Variants in CDC14B observed in about 807,000 individuals in gnomAD.
CDC14B encodes dual specificity protein phosphatase CDC14B.
CDC14B carries 22 observed loss-of-function variants against 64.2 expected under a neutral mutation model. The ratio of observed to expected loss-of-function variants is 0.34; its 90% confidence interval spans 0.24 to 0.49. The LOEUF is 0.49. Among genes scored for constraint, CDC14B ranks in the 20% least tolerant of loss-of-function variants. The probability of loss-of-function intolerance (pLI) is 0.99; values close to 1 mark genes in which losing one functional copy is unlikely to be tolerated. For missense variants in CDC14B, 498 were observed against 629.9 expected, an observed-to-expected ratio of 0.79 and a Z score of 2.24; for synonymous variants, 191 against 215.8, an observed-to-expected ratio of 0.89 and a Z score of 1.01.
chr9:96,545,329 C>CTTT (rs59040963), intron 5 of CDC14B, among the ~76,000 whole-genome samples: 2 of 132,984 alleles, frequency 1.5e-5, no homozygotes, highest in East Asian at 2.2e-4. Flanking sequence ...TGATTATTTT[C>CTTT]TTTTTTTTTT....
chr9:96,566,970 CT>C, intron 1 of CDC14B: 1 of 1,459,950 alleles, frequency 6.8e-7, no homozygotes, highest in Non-Finnish European at 9.0e-7. Context: ...GCCCAACGGC[CT>C]GACACGACAG....
chr9:96,531,268 C>T (rs1219297678), intron 9 of CDC14B, among the ~76,000 whole-genome samples: 1 of 152,014 alleles, frequency 6.6e-6, no homozygotes, highest in Non-Finnish European at 1.5e-5. Flanking sequence ...CTATCATGTC[C>T]AGGGTTTTGC....
downstream of CDC14B, chr9:96,496,471 C>G (rs979818326): frequency 2.9e-5 from 12 of 414,848 alleles, no homozygotes; most frequent in African/African-American, 2.4e-4. Flanking sequence ...TCCTGGGCCG[C>G]TAACTCTCAA....
chr9:96,495,056 G>C (rs953300821), intron 13 of CDC14B, among the ~76,000 whole-genome samples: 2 of 151,594 alleles, frequency 1.3e-5, no homozygotes, highest in African/African-American at 2.4e-5. Flanking sequence ...GGATGGGCTC[G>C]ATCTCCTGAC....
At chr9:96,549,618 T>C (rs943869244) in intron 5 of CDC14B, among the ~76,000 whole-genome samples, 5 of 151,626 alleles carry the variant, frequency 3.3e-5, no homozygotes, top group African/African-American at 4.8e-5. Flanking sequence ...TGAGTCCAGA[T>C]TGCACCACTG....
intron 1 of CDC14B, among the ~76,000 whole-genome samples, chr9:96,581,338 T>C (rs986004632): frequency 2.0e-5 from 3 of 150,852 alleles, no homozygotes; most frequent in African/African-American, 7.3e-5. Context: ...ACACAGCGGC[T>C]CATGCCTATA....
rs997925532 is a variant in CDC14B at position 96,619,489 on chromosome 9, G to C, written c.-111C>G. The stretch of plus-strand genomic sequence containing the variant: ...GCGCTCGGGGCGGCGGGCGCAGAGC[G>C]GCGCTGCGGGGACGGCGGGCGCCGG... On this transcript the variant is annotated 5_prime_UTR_variant, in exon 1 of 14. Transcript: ENST00000375241. 4 of 485,016 alleles carry C rather than the reference G, an allele frequency of 8.2e-6. No individual in the cohort carries two copies. The highest frequency in any genetic ancestry group is 8.0e-6 in the Non-Finnish European group (3 of 376,032). The allele number at this position is 485,016 out of a possible 1,614,324, so 30.0% of individuals were successfully genotyped here. A position where few individuals can be genotyped will look rare whatever the true frequency, so the allele number is the denominator to read the frequency against.
intron 7 of CDC14B, among the ~76,000 whole-genome samples, chr9:96,536,697 T>A (rs952575260): frequency 6.6e-6 from 1 of 152,108 alleles, no homozygotes; most frequent in Non-Finnish European, 1.5e-5. Flanking sequence ...GAAAAAGAAT[T>A]CTCTGAGGAT....
At chr9:96,565,358 C>G (rs1843759302) in intron 2 of CDC14B, 35 bp downstream of exon 2, 3 of 1,361,024 alleles carry the variant, frequency 2.2e-6, no homozygotes, top group Non-Finnish European at 3.1e-6. Context: ...TCTTCAAAAA[C>G]AAAAAGTTAA....
exon 14 of CDC14B, chr9:96,492,570 C>G (rs1425731372): frequency 6.6e-6 from 1 of 152,202 alleles, no homozygotes. Flanking sequence ...ATGGTGAAAC[C>G]CTGTCTCTAC....
intron 5 of CDC14B, among the ~76,000 whole-genome samples, chr9:96,549,401 C>A (rs1039565283): frequency 2.6e-5 from 4 of 152,066 alleles, no homozygotes; most frequent in African/African-American, 4.8e-5. Context: ...TCACAGGCCA[C>A]ACTTTATGAA....
chr9:96,610,028 G>A (rs1847207359), intron 1 of CDC14B, among the ~76,000 whole-genome samples: 1 of 151,984 alleles, frequency 6.6e-6, no homozygotes, highest in South Asian at 2.1e-4. Flanking sequence ...ATAATGCTGA[G>A]ATTAAAGAAG....
At chr9:96,616,483 T>C (rs1172551660) in intron 1 of CDC14B, among the ~76,000 whole-genome samples, 1 of 152,116 alleles carries the variant, frequency 6.6e-6, no homozygotes, top group Non-Finnish European at 1.5e-5. Context: ...CCCAGCACCT[T>C]GGGAGACCAA....
rs563905084 is a variant in CDC14B, at chr9:96,545,894, C to T, written c.498-4002G>A. 1.8e-4 allele frequency among the ~76,000 whole-genome samples: 27 copies of T among 152,288 alleles called. No homozygotes were observed. In the South Asian group the frequency reaches 5.6e-3, roughly 32 times the overall value. On this transcript the variant is annotated intron_variant, in intron 5 of 13. Coordinates refer to ENST00000375241, the MANE Select transcript of CDC14B (RefSeq NM_033331.4). ...TAGCACCTCCAATTTTAGACACACCCACATCACATCTTCCTCCCACCTTGC... is the reference window on the plus strand; with the variant it reads ...TAGCACCTCCAATTTTAGACACACCTACATCACATCTTCCTCCCACCTTGC...
intron 1 of CDC14B, among the ~76,000 whole-genome samples, chr9:96,599,328 C>T (rs923494945): frequency 9.2e-5 from 14 of 151,824 alleles, no homozygotes; most frequent in Admixed American, 7.9e-4. Context: ...TTGCAGTGAG[C>T]CGAGATCTCG....
chr9:96,578,824 T>C (rs1005779147), intron 1 of CDC14B, among the ~76,000 whole-genome samples: 7 of 152,202 alleles, frequency 4.6e-5, no homozygotes, highest in African/African-American at 1.7e-4. Flanking sequence ...ATTGGTTTCT[T>C]TTTCTTTTCT....
intron 5 of CDC14B, among the ~76,000 whole-genome samples, chr9:96,546,075 T>C (rs1031219053): frequency 1.3e-5 from 2 of 152,168 alleles, no homozygotes; most frequent in Non-Finnish European, 2.9e-5. Context: ...TGCACAACAA[T>C]GTCAAATACT....
rs780321957 is a variant in CDC14B, at chr9:96,533,909, C to A, written c.946+18G>T. On this transcript the variant is annotated intron_variant, in intron 9 of 13. Coordinates refer to ENST00000375241, the MANE Select transcript of CDC14B (RefSeq NM_033331.4). ...ACTCATACTGTATACTATTCTTTAA[C>A]CACCCCTAGAAACATACCTTTGCAA... 4 of 1,519,488 alleles carry A rather than the reference C, an allele frequency of 2.6e-6. No individual in the cohort carries two copies. The South Asian group carries it at 3.5e-5, about 13-fold the overall frequency. The allele number at this position is 1,519,488 out of a possible 1,614,324, so 94.1% of individuals were successfully genotyped here.
At chr9:96,572,601 A>G (rs1844542785) in intron 1 of CDC14B, among the ~76,000 whole-genome samples, 1 of 152,252 alleles carries the variant, frequency 6.6e-6, no homozygotes, top group Non-Finnish European at 1.5e-5. Flanking sequence ...GAAAAGAAAT[A>G]CAAATGGTCA....
Sources: gnomAD v4.1 joint callset for allele counts (sites outside exome capture counted in the v4.1 genomes callset) on GRCh38, gnomAD v4.1.1 for gene constraint, MANE v1.5 for transcripts, NCBI Gene and HGNC (gene_info 2026-07-23, HGNC 2026-07-21) for gene names.